ITPR1: variants seen among roughly 807,000 people sequenced by gnomAD.
ITPR1 encodes inositol 1,4,5-trisphosphate-gated calcium channel ITPR1.
Under a neutral mutation model 318.4 loss-of-function variants are expected in ITPR1, and 96 were observed. The ratio of observed to expected loss-of-function variants is 0.30; its 90% CI spans 0.26 to 0.36. The LOEUF is 0.36. Among genes scored for constraint, ITPR1 ranks in the 10% least tolerant of loss-of-function variants. The pLI, the probability that ITPR1 is intolerant of heterozygous loss-of-function variation, is 1.00. For missense variants in ITPR1, 2,440 were observed against 3,460.2 expected (o/e 0.71, Z 7.40); for synonymous variants, 1,312 against 1,289.9 (o/e 1.02, Z -0.37).
intron 44 of ITPR1, among the ~76,000 whole-genome samples, chr3:4,757,437 C>T (rs1167267856): frequency 1.3e-5 from 2 of 152,112 alleles, no homozygotes; most frequent in South Asian, 4.1e-4. Context: ...GTGAGAGGAG[C>T]CTGTTTATGC....
intron 4 of ITPR1, among the ~76,000 whole-genome samples, chr3:4,564,298 C>G (rs1278576398): frequency 6.6e-6 from 1 of 152,136 alleles, no homozygotes; most frequent in African/African-American, 2.4e-5. Flanking sequence ...TGCCTGGCTC[C>G]TGGTGGTTGG....
chr3:4,807,129 CTTA>C, intron 55 of ITPR1, among the ~76,000 whole-genome samples: 1 of 1,758 alleles, frequency 5.7e-4, no homozygotes, highest in Admixed American at 0.011. Context: ...GAGAGGGGGG[CTTA>C]CAAAGAGAGG....
intron 4 of ITPR1, among the ~76,000 whole-genome samples, chr3:4,584,986 A>C (rs188068714): frequency 1.3e-5 from 2 of 152,224 alleles, no homozygotes; most frequent in Non-Finnish European, 2.9e-5. Context: ...CAGAATGAAA[A>C]CTGACTTGCC....
chr3:4,604,548 CA>C (rs772286203), intron 4 of ITPR1, among the ~76,000 whole-genome samples: 34 of 152,112 alleles, frequency 2.2e-4, no homozygotes, highest in Admixed American at 2.0e-3. Context: ...GCTGCAATGA[CA>C]AGCAATGTAA....
At chr3:4,647,985 C>G (rs1018344893) in intron 10 of ITPR1, among the ~76,000 whole-genome samples, 3 of 152,086 alleles carry the variant, frequency 2.0e-5, no homozygotes, top group African/African-American at 7.2e-5. Context: ...AACCCTGTCT[C>G]TACTAAAAAA....
chr3:4,777,442 ATGC>A, intron 48 of ITPR1, 68 bp downstream of exon 48: 1 of 902,062 alleles, frequency 1.1e-6, no homozygotes, highest in Non-Finnish European at 1.8e-6. Flanking sequence ...GCCTTGGCAC[ATGC>A]ACATGGGCAA....
At chr3:4,579,566 A>T (rs1228400096) in intron 4 of ITPR1, among the ~76,000 whole-genome samples, 1 of 152,234 alleles carries the variant, frequency 6.6e-6, no homozygotes, top group African/African-American at 2.4e-5. Context: ...GAAAGGAAAT[A>T]TTGGTTAATC....
chr3:4,593,644 G>A (rs1430088591), intron 4 of ITPR1, among the ~76,000 whole-genome samples: 2 of 152,196 alleles, frequency 1.3e-5, no homozygotes, highest in Non-Finnish European at 2.9e-5. Flanking sequence ...GGGCCATGCT[G>A]TTCTTTGGAC....
chr3:4,618,039 CA>C (rs1269368119), intron 4 of ITPR1, among the ~76,000 whole-genome samples: 1 of 150,650 alleles, frequency 6.6e-6, no homozygotes, highest in East Asian at 1.9e-4. Flanking sequence ...TTTAAAAAGT[CA>C]AATATAGGGT....
intron 4 of ITPR1, among the ~76,000 whole-genome samples, chr3:4,621,213 T>C (rs1190350635): frequency 7.9e-5 from 12 of 152,096 alleles, no homozygotes; most frequent in African/African-American, 2.9e-4. Context: ...TTTCACAAGC[T>C]TTACAGGAAG....
At chr3:4,567,964 A>T (rs11923960) in intron 4 of ITPR1, among the ~76,000 whole-genome samples, 9 of 151,044 alleles carry the variant, frequency 6.0e-5, no homozygotes, top group South Asian at 2.1e-4. Flanking sequence ...ACTCCCAGTA[A>T]GTCACGTAAT....
At chr3:4,573,099 A>G (rs1369035561) in intron 4 of ITPR1, among the ~76,000 whole-genome samples, 2 of 152,148 alleles carry the variant, frequency 1.3e-5, no homozygotes, top group South Asian at 2.1e-4. Context: ...CTTTGGCTAT[A>G]TACCAGAACC....
At chr3:4,650,192 C>T (rs2093561166) in intron 10 of ITPR1, among the ~76,000 whole-genome samples, 1 of 152,176 alleles carries the variant, frequency 6.6e-6, no homozygotes, top group Admixed American at 6.5e-5. Context: ...CTGCTATGAA[C>T]ATTCATATGC....
Position 4,809,482 on chromosome 3 carries a change from C to G in ITPR1, c.7273-1783C>G, listed in dbSNP as rs555516140. On this transcript the variant is annotated intron_variant, in intron 55 of 61. Coordinates refer to ENST00000649015, the MANE Select transcript of ITPR1 (RefSeq NM_001378452.1). ...GCTGGTTATGTGCCAGTATTATGGT[C>G]TAATATTTTTGTAAACAATATATAT... 2.6e-5 allele frequency among the ~76,000 whole-genome samples: 4 copies of G among 152,236 alleles called. No individual in the cohort carries two copies. The South Asian group carries it at 8.3e-4, about 32-fold the overall frequency.
In ITPR1 at chr3:4,783,818, G is replaced by A. The variant is rs1311050498; in HGVS notation, c.6513G>A (p.Leu2171=). 1 of 1,598,824 alleles carries A rather than the reference G, an allele frequency of 6.3e-7. No homozygotes were observed. Among genetic ancestry groups the A allele is most frequent in the Non-Finnish European group, 8.5e-7 (1 of 1,172,334 alleles). Residue 2171 remains leucine, a splice_region_variant and synonymous_variant, in exon 51 of 62, where the codon TTG becomes TTA. Transcript: ENST00000649015. ...GHNIYILAHQ[L]ARHNKELQSM... ...GTATCTCTGTCCCTGTATTCTAGTTGGCTCGGCATAACAAAGAACTTCAGA... is the reference window on the plus strand; with the variant it reads ...GTATCTCTGTCCCTGTATTCTAGTTAGCTCGGCATAACAAAGAACTTCAGA...
intron 4 of ITPR1, among the ~76,000 whole-genome samples, chr3:4,623,399 C>G (rs1332374901): frequency 1.3e-5 from 2 of 152,162 alleles, no homozygotes; most frequent in East Asian, 1.9e-4. Flanking sequence ...TGAAAGCTAG[C>G]TTAGTTTATT....
At chr3:4,810,109 A>C (rs569217316) in intron 55 of ITPR1, among the ~76,000 whole-genome samples, 1 of 152,332 alleles carries the variant, frequency 6.6e-6, no homozygotes, top group Admixed American at 6.5e-5. Flanking sequence ...CAGATGAGGA[A>C]ACAGATCCAG....
chr3:4,844,354 G>T (rs1202585467), intron 61 of ITPR1, among the ~76,000 whole-genome samples: 2 of 152,172 alleles, frequency 1.3e-5, no homozygotes, highest in Admixed American at 6.5e-5. Context: ...GAACTCCTGG[G>T]CTCAAGCAGT....
intron 40 of ITPR1, among the ~76,000 whole-genome samples, chr3:4,721,617 G>T (rs9812100): frequency 6.6e-6 from 1 of 151,936 alleles, no homozygotes; most frequent in African/African-American, 2.4e-5. Context: ...TGATTCGAGC[G>T]GCTGGAGATA....
Sources: allele counts gnomAD v4.1 joint callset (sites outside exome capture counted in the v4.1 genomes callset), GRCh38; gene constraint gnomAD v4.1.1; transcripts MANE v1.5; gene names NCBI Gene and HGNC (gene_info 2026-07-23, HGNC 2026-07-21).